MGAT4C: variants seen among roughly 807,000 people sequenced by gnomAD.
The protein encoded by MGAT4C is alpha-1,3-mannosyl-glycoprotein 4-beta-N-acetylglucosaminyltransferase C.
MGAT4C carries 19 observed loss-of-function variants against 40.1 expected under a neutral mutation model. The observed-to-expected ratio is 0.47, with a 90% CI of 0.33 to 0.70. The LOEUF is 0.70. MGAT4C is among the 30% of genes least tolerant of loss of function. MGAT4C has a pLI of 0.02. For synonymous variants in MGAT4C, 181 were observed against 187.1 expected (o/e 0.97, Z 0.27); for missense variants, 491 against 563.2 (o/e 0.87, Z 1.30).
intron 1 of MGAT4C, among the ~76,000 whole-genome samples, chr12:86,119,420 C>A (rs948574127): frequency 2.0e-5 from 3 of 151,898 alleles, no homozygotes; most frequent in African/African-American, 7.3e-5. Flanking sequence ...AAGTATTTTT[C>A]TTCCTTTTTT....
At position 86,569,926 on chromosome 12, in the gene MGAT4C, C is replaced by T. The variant is rs141508785; in HGVS notation, c.-228-134661G>A. On this transcript the variant is annotated intron_variant, in intron 2 of 7. Coordinates refer to the MGAT4C transcript ENST00000548651. ...AATATGGATGAACCTGGAGGGCATT[C>T]TGTTAAGTAAAATAAACAAAGCATA... Among the ~76,000 whole-genome samples, 711 of 152,104 alleles carry T rather than the reference C, an allele frequency of 4.7e-3. 6 individuals are homozygous for T. Among genetic ancestry groups the T allele is most frequent in the African/African-American group, 0.016 (684 of 41,522 alleles).
intron 2 of MGAT4C, among the ~76,000 whole-genome samples, chr12:86,489,334 C>T (rs1328339273): frequency 6.6e-6 from 1 of 152,174 alleles, no homozygotes; most frequent in Non-Finnish European, 1.5e-5. Context: ...CTACATTCAT[C>T]ACCTTTCAGT....
At chr12:86,254,534 T>G (rs537733566) in intron 1 of MGAT4C, among the ~76,000 whole-genome samples, 2 of 152,222 alleles carry the variant, frequency 1.3e-5, no homozygotes, top group South Asian at 2.1e-4. Flanking sequence ...TTTCCCTTAG[T>G]TAAGTTTAAT....
intron 2 of MGAT4C, among the ~76,000 whole-genome samples, chr12:85,996,438 C>T (rs574585778): frequency 1.3e-5 from 2 of 152,246 alleles, no homozygotes; most frequent in South Asian, 2.1e-4. Context: ...TCCAGCCAAA[C>T]TGCTGTCTAA....
At chr12:86,765,299 G>C (rs554908712) in intron 1 of MGAT4C, among the ~76,000 whole-genome samples, 13 of 152,250 alleles carry the variant, frequency 8.5e-5, no homozygotes, top group Admixed American at 7.2e-4. Flanking sequence ...AATGAAGCAA[G>C]AAGGGAAGTG....
At chr12:86,297,333 G>T (rs972197622) in intron 4 of MGAT4C, among the ~76,000 whole-genome samples, 1 of 152,062 alleles carries the variant, frequency 6.6e-6, no homozygotes, top group South Asian at 2.1e-4. Context: ...AATCTTTGAA[G>T]CACGGTAATA....
chr12:86,040,926 A>G (rs950812927), intron 2 of MGAT4C, among the ~76,000 whole-genome samples: 2 of 152,064 alleles, frequency 1.3e-5, no homozygotes, highest in Admixed American at 1.3e-4. Flanking sequence ...TCCCTTGGCT[A>G]GGAGAGGGAG....
rs141663907 is a variant in MGAT4C, at chr12:86,516,477, T to A, written c.-228-81212A>T. ...TAAGCAAACAAACAAAAACTCAAAA[T>A]AGATAAGATTCCAAAATGTAAGTGC... On this transcript the variant is annotated intron_variant, in intron 2 of 7. Coordinates refer to the MGAT4C transcript ENST00000548651. Among the ~76,000 whole-genome samples, 890 of 152,156 alleles carry A rather than the reference T, an allele frequency of 5.8e-3. 5 individuals carry two copies. Among genetic ancestry groups the A allele is most frequent in the Middle Eastern group, 0.01 (3 of 294 alleles).
At chr12:85,991,882 T>A (rs888187293) in intron 2 of MGAT4C, among the ~76,000 whole-genome samples, 3 of 152,134 alleles carry the variant, frequency 2.0e-5, no homozygotes, top group African/African-American at 7.2e-5. Flanking sequence ...CCAGGTGAGA[T>A]TTCATCAGAG....
intron 2 of MGAT4C, among the ~76,000 whole-genome samples, chr12:86,442,441 T>A (rs573997763): frequency 3.3e-5 from 5 of 152,138 alleles, no homozygotes; most frequent in African/African-American, 1.2e-4. Context: ...CTGAATGGTA[T>A]TGACTAAGTT....
intron 2 of MGAT4C, among the ~76,000 whole-genome samples, chr12:86,025,356 C>T (rs980606868): frequency 2.0e-5 from 3 of 151,544 alleles, no homozygotes; most frequent in African/African-American, 7.3e-5. Flanking sequence ...GTAATCGAAA[C>T]ATCATTGATT....
In MGAT4C at chr12:86,543,524, T is replaced by A. The variant is rs373408124; in HGVS notation, c.-228-108259A>T. On this transcript the variant is annotated intron_variant, in intron 2 of 7. Coordinates refer to the MGAT4C transcript ENST00000548651. ...TAAATAGAAGTGTTGGAATTACATA[T>A]CTACTATGTTCCAGGTATAGTACTA... is the stretch of plus-strand genomic sequence containing the variant. Among the ~76,000 whole-genome samples, 24 of 152,208 alleles carry A rather than the reference T, an allele frequency of 1.6e-4. No individual in the cohort carries two copies. The East Asian group carries it at 3.9e-3, about 25-fold the overall frequency.
intron 1 of MGAT4C, among the ~76,000 whole-genome samples, chr12:86,754,843 T>C (rs1430355991): frequency 6.6e-6 from 1 of 152,164 alleles, no homozygotes; most frequent in Non-Finnish European, 1.5e-5. Context: ...CCTCTGTTAC[T>C]CACCTTCTTT....
At chr12:86,738,839 A>C (rs1199166861) in intron 1 of MGAT4C, among the ~76,000 whole-genome samples, 2 of 151,068 alleles carry the variant, frequency 1.3e-5, no homozygotes, top group African/African-American at 4.8e-5. Flanking sequence ...TGGTCCTGTG[A>C]ATCTCTAAAA....
At chr12:86,704,761 T>A (rs1192961784) in intron 2 of MGAT4C, among the ~76,000 whole-genome samples, 1 of 152,172 alleles carries the variant, frequency 6.6e-6, no homozygotes, top group Non-Finnish European at 1.5e-5. Flanking sequence ...GAATTTTGAA[T>A]CCAGCAAGTC....
At chr12:86,629,530 G>C (rs994773475) in intron 2 of MGAT4C, among the ~76,000 whole-genome samples, 4 of 152,096 alleles carry the variant, frequency 2.6e-5, no homozygotes, top group African/African-American at 9.7e-5. Context: ...AAATGAAAAA[G>C]AACAGAAATC....
chr12:85,974,921 C>T lies in MGAT4C; in HGVS notation c.*4368G>A, dbSNP rs931979807. 1 of 149,840 alleles carries T rather than the reference C, an allele frequency of 6.7e-6. No homozygotes were observed. The highest frequency in any genetic ancestry group is 1.5e-5 in the Non-Finnish European group (1 of 66,676). The allele number at this position is 149,840 out of a possible 1,614,324, so 9.3% of individuals were successfully genotyped here. A position where few individuals can be genotyped will look rare whatever the true frequency, so the allele number is the denominator to read the frequency against. On this transcript the variant is annotated 3_prime_UTR_variant, in exon 5 of 5. Transcript: ENST00000611864. ...AATGATAGAAAAGATGCCAGAGAAC[C>T]GGATCCTGACATTAAAAAAAAAAAG...
chr12:86,659,112 T>C (rs574807896), intron 2 of MGAT4C, among the ~76,000 whole-genome samples: 3 of 152,228 alleles, frequency 2.0e-5, no homozygotes, highest in Middle Eastern at 3.4e-3. Context: ...TCAGGGATTA[T>C]TACCTTATAT....
intron 2 of MGAT4C, among the ~76,000 whole-genome samples, chr12:86,481,413 T>C (rs1347740494): frequency 6.6e-6 from 1 of 152,094 alleles, no homozygotes; most frequent in Non-Finnish European, 1.5e-5. Context: ...TTCTGGAGTT[T>C]AGTCTAACAA....
Sources: allele counts gnomAD v4.1 joint callset (sites outside exome capture counted in the v4.1 genomes callset), GRCh38; gene constraint gnomAD v4.1.1; transcripts MANE v1.5; gene names NCBI Gene and HGNC (gene_info 2026-07-23, HGNC 2026-07-21).